ALDH5A1: variants seen among roughly 807,000 people sequenced by gnomAD.
The protein encoded by ALDH5A1 is succinate-semialdehyde dehydrogenase, mitochondrial.
ALDH5A1 carries 33 observed loss-of-function variants against 54.7 expected under a neutral mutation model. The ratio of observed to expected loss-of-function variants is 0.60; its 90% confidence interval spans 0.46 to 0.81. ALDH5A1 has a LOEUF of 0.81. Among genes scored for constraint, ALDH5A1 ranks in the 30% least tolerant of loss-of-function variants. The pLI is 0.00. For synonymous variants in ALDH5A1, 294 were observed against 292.7 expected, an observed-to-expected ratio of 1.00 and a Z score of -0.05; for missense variants, 657 against 711.0, an observed-to-expected ratio of 0.92 and a Z score of 0.86.
At chr6:24,510,108 G>A (rs1212780756) in intron 4 of ALDH5A1, among the ~76,000 whole-genome samples, 2 of 152,086 alleles carry the variant, frequency 1.3e-5, no homozygotes, top group Non-Finnish European at 2.9e-5. Context: ...GTATTTGCAT[G>A]GTTTTGAAGG....
At chr6:24,501,585 G>C (rs539433851) in intron 1 of ALDH5A1, among the ~76,000 whole-genome samples, 4 of 140,810 alleles carry the variant, frequency 2.8e-5, no homozygotes, top group Non-Finnish European at 4.7e-5. Flanking sequence ...ATGTGTGCCT[G>C]TGGTCCCAGC....
intron 5 of ALDH5A1, among the ~76,000 whole-genome samples, chr6:24,516,287 T>A (rs1030257711): frequency 6.0e-4 from 91 of 151,386 alleles, no homozygotes; most frequent in African/African-American, 2.2e-3. Context: ...ATACAAAAAA[T>A]TAGCTGGGCG....
intron 5 of ALDH5A1, among the ~76,000 whole-genome samples, chr6:24,516,184 C>G (rs1381230612): frequency 3.3e-5 from 5 of 151,900 alleles, no homozygotes; most frequent in Admixed American, 1.3e-4. Context: ...CACCTGTAAT[C>G]CCAACACTTT....
intron 4 of ALDH5A1, among the ~76,000 whole-genome samples, chr6:24,506,332 C>T (rs537796021): frequency 7.6e-6 from 1 of 131,258 alleles, no homozygotes; most frequent in Admixed American, 9.3e-5. Flanking sequence ...TGGCTCACTG[C>T]AACCTCTGCC....
rs1759307731 is a variant in ALDH5A1, at chr6:24,504,902, G to A, written c.643G>A (p.Val215Met). The change falls in exon 4 of 10, where the codon GTG becomes ATG. Residue 215 changes from valine to methionine, a missense_variant. By Grantham distance (21) the Val-to-Met change is conservative (BLOSUM62 1). Coordinates refer to ENST00000357578, the MANE Select transcript of ALDH5A1 (RefSeq NM_001080.3). ...NFPSAMITRK[V>M]GAALAAGCTV... Reference sequence around the variant, plus strand: ...CCCCAGTGCCATGATCACCCGGAAGGTGGGGGCCGCCCTGGCAGCCGGCTG... The same window carrying A: ...CCCCAGTGCCATGATCACCCGGAAGATGGGGGCCGCCCTGGCAGCCGGCTG... The A allele has an allele frequency of 6.2e-7, 1 of 1,614,218 alleles. No individual in the cohort carries two copies. Among genetic ancestry groups the A allele is most frequent in the African/African-American group, 1.3e-5 (1 of 75,054 alleles).
intron 7 of ALDH5A1, among the ~76,000 whole-genome samples, 200 bp from the exon 8 acceptor site, chr6:24,527,797 G>C (rs1759847783): frequency 6.6e-6 from 1 of 152,158 alleles, no homozygotes; most frequent in African/African-American, 2.4e-5. Flanking sequence ...AGATATCAAA[G>C]ACCAAGGAGG....
intron 7 of ALDH5A1, among the ~76,000 whole-genome samples, 177 bp from the exon 8 acceptor site, chr6:24,527,820 T>C (rs897985395): frequency 1.3e-5 from 2 of 152,212 alleles, no homozygotes; most frequent in Non-Finnish European, 2.9e-5. Flanking sequence ...GGTGGCACTC[T>C]TGCTTCTGAA....
chr6:24,520,272 T>C (rs775442304), intron 5 of ALDH5A1, 129 bp from the exon 6 acceptor site: 188 of 1,027,396 alleles, frequency 1.8e-4, no homozygotes, highest in Non-Finnish European at 2.8e-4. Flanking sequence ...CGTTTTCTTA[T>C]GCAAAGTTAT....
chr6:24,524,433 G>A (rs887380062), intron 7 of ALDH5A1, among the ~76,000 whole-genome samples: 1 of 152,166 alleles, frequency 6.6e-6, no homozygotes, highest in Admixed American at 6.5e-5. Flanking sequence ...CCAGAAGCAA[G>A]TGACAGCCAA....
chr6:24,499,194 A>G lies in ALDH5A1; in HGVS notation c.355-3329A>G, dbSNP rs191217964. On this transcript the variant is annotated intron_variant, in intron 1 of 9. Transcript: ENST00000357578. ...TCCCAGCTACTCAAGAGGCTGAGGC[A>G]TGAGAATTGCTTGAGCCCAGGAGGC... 3.8e-3 allele frequency among the ~76,000 whole-genome samples: 573 copies of G among 151,864 alleles called. 4 individuals are homozygous for G. The highest frequency in any genetic ancestry group is 0.013 in the African/African-American group (533 of 41,452).
rs1561875106 is a variant in ALDH5A1 at position 24,518,668 on chromosome 6, GAGA to G, written c.871-1729_871-1727del. Among the ~76,000 whole-genome samples, 1 of 152,218 alleles carries G rather than the reference GAGA, an allele frequency of 6.6e-6. No homozygotes were observed. Among genetic ancestry groups the G allele is most frequent in the Non-Finnish European group, 1.5e-5 (1 of 68,034 alleles). On this transcript the variant is annotated intron_variant, in intron 5 of 9. Coordinates refer to ENST00000357578, the MANE Select transcript of ALDH5A1 (RefSeq NM_001080.3). The surrounding 1 kb of genome is among the most constrained non-coding windows in gnomAD (Gnocchi z 4.2). ...TACTTTGTTGAACAGTAATGTTTCA[GAGA>G]AGATTGTTACTACCATTTGATTGCT...
rs112515364 is a variant in ALDH5A1 at position 24,500,426 on chromosome 6, G to C, written c.355-2097G>C. On this transcript the variant is annotated intron_variant, in intron 1 of 9. Coordinates refer to ENST00000357578, the MANE Select transcript of ALDH5A1 (RefSeq NM_001080.3). ...GAGTGAAATAAGCCAGTCACAAAAG[G>C]GCAAATGCTGTATGATTCTACTTAA... Among the ~76,000 whole-genome samples the C allele has an allele frequency of 3.7e-3, 570 of 152,120 alleles. 2 individuals are homozygous for C. Among genetic ancestry groups the C allele is most frequent in the Non-Finnish European group, 5.4e-3 (366 of 68,010 alleles).
Position 24,527,960 on chromosome 6 carries a change from A to G in ALDH5A1, c.1174-37A>G, listed in dbSNP as rs773171449. 22 of 1,610,562 alleles carry G rather than the reference A, an allele frequency of 1.4e-5. No homozygotes were observed. The Admixed American group carries it at 2.5e-4, about 18-fold the overall frequency. On this transcript the variant is annotated intron_variant, in intron 7 of 9. Coordinates refer to ENST00000357578, the MANE Select transcript of ALDH5A1 (RefSeq NM_001080.3). ...CAGTTTAAACATTCTAAAAGATTGT[A>G]TCATGTGGAAAGCTTTTTTTCTTCC...
chr6:24,512,628 A>G (rs552208237), intron 4 of ALDH5A1, among the ~76,000 whole-genome samples: 1 of 151,870 alleles, frequency 6.6e-6, no homozygotes, highest in East Asian at 1.9e-4. Flanking sequence ...GTCATCTTTT[A>G]CCTTGTTTTG....
chr6:24,499,768 C>T (rs1338154405), intron 1 of ALDH5A1, among the ~76,000 whole-genome samples: 1 of 151,874 alleles, frequency 6.6e-6, no homozygotes, highest in Admixed American at 6.6e-5. Flanking sequence ...CCTAGGTTCT[C>T]CTGCCTCAGC....
In ALDH5A1 at chr6:24,520,534, A is replaced by G. The variant is rs1759660407; in HGVS notation, c.1004A>G (p.Asn335Ser). ...GGGGCCATGGCATCTAAATTTAGGA[A>G]CACTGGACAGGTGAGTCCTGGAGAG... ...VAGAMASKFRNTGQTCVCSNQ... is the reference protein window; with the variant it reads ...VAGAMASKFRSTGQTCVCSNQ... The change falls in exon 6 of 10, where the codon AAC (asparagine) becomes AGC (serine). Residue 335 changes from asparagine (N) to serine (S), a missense_variant. Transcript: ENST00000357578. The G allele has an allele frequency of 6.2e-7, 1 of 1,613,926 alleles. No homozygotes were observed. The highest frequency in any genetic ancestry group is 1.3e-5 in the African/African-American group (1 of 74,888).
At position 24,533,573 on chromosome 6, in the gene ALDH5A1, T is replaced by C. The variant is rs772219518; in HGVS notation, c.1469T>C (p.Val490Ala). 2.5e-6 allele frequency: 4 copies of C among 1,614,198 alleles called. No homozygotes were observed. The highest frequency in any genetic ancestry group is 3.4e-6 in the Non-Finnish European group (4 of 1,180,038). Residue 490 changes from valine to alanine, a missense_variant, in exon 10 of 10, where the codon GTT becomes GCT. This residue lies in a region of ALDH5A1 where 425 missense variants were observed against 516.4 expected (regional missense o/e 0.82). Coordinates refer to ENST00000357578, the MANE Select transcript of ALDH5A1 (RefSeq NM_001080.3). ...GCAGAGCAGCTGGAAGTGGGCATGG[T>C]TGGCGTCAACGAAGGATTAATTTCC... ...RVAEQLEVGMVGVNEGLISSV... is the reference protein window; with the variant it reads ...RVAEQLEVGMAGVNEGLISSV...
chr6:24,504,968 G>C lies in ALDH5A1; in HGVS notation c.709G>C (p.Ala237Pro). The C allele has an allele frequency of 1.2e-6, 2 of 1,614,102 alleles. No individual in the cohort carries two copies. The highest frequency in any genetic ancestry group is 1.7e-6 in the Non-Finnish European group (2 of 1,179,992). ...VKPAEDTPFS[A>P]LALAELASQA... is the part of the protein sequence containing the mutation. Reference sequence around the variant, plus strand: ...GCCTGCCGAAGACACGCCCTTCTCCGCCCTGGCCCTGGCTGAGGTGAGCCG... The same window carrying C: ...GCCTGCCGAAGACACGCCCTTCTCCCCCCTGGCCCTGGCTGAGGTGAGCCG... Residue 237 changes from alanine (A) to proline (P), a missense_variant, in exon 4 of 10, where the codon GCC (alanine) becomes CCC (proline). Coordinates refer to ENST00000357578, the MANE Select transcript of ALDH5A1 (RefSeq NM_001080.3).
At chr6:24,497,973 GA>G (rs1205055270) in intron 1 of ALDH5A1, among the ~76,000 whole-genome samples, 6 of 152,152 alleles carry the variant, frequency 3.9e-5, no homozygotes, top group Admixed American at 1.3e-4. Context: ...ACGGTGGCTT[GA>G]ACCAGGGTGG....
Sources: allele counts gnomAD v4.1 joint callset (sites outside exome capture counted in the v4.1 genomes callset), GRCh38; gene constraint gnomAD v4.1.1; regional missense constraint gnomAD v4.1.1; non-coding constraint Gnocchi (gnomAD v3.1); transcripts MANE v1.5; gene names NCBI Gene and HGNC (gene_info 2026-07-23, HGNC 2026-07-21).